RASSF8: variants seen among roughly 807,000 people sequenced by gnomAD.
The protein encoded by RASSF8 is Ras association domain family member 8.
RASSF8 carries 22 observed loss-of-function variants against 48.5 expected under a neutral mutation model. That is an observed-to-expected ratio of 0.45 (90% confidence interval 0.32 to 0.65). RASSF8 has a LOEUF of 0.65. Among genes scored for constraint, RASSF8 ranks in the 30% least tolerant of loss-of-function variants. The pLI is 0.03. For synonymous variants in RASSF8, 127 were observed against 171.5 expected (o/e 0.74, Z 2.03); for missense variants, 418 against 489.2 (o/e 0.85, Z 1.37).
At chr12:26,042,150 T>A (rs1177368237) in intron 2 of RASSF8, among the ~76,000 whole-genome samples, 1 of 152,228 alleles carries the variant, frequency 6.6e-6, no homozygotes, top group Non-Finnish European at 1.5e-5. Context: ...CATGGCAATT[T>A]AAGGATTTGT....
chr12:25,960,644 C>T (rs1941209354), intron 1 of RASSF8, among the ~76,000 whole-genome samples: 1 of 152,154 alleles, frequency 6.6e-6, no homozygotes, highest in Admixed American at 6.5e-5. Flanking sequence ...GATGATAAAA[C>T]CTTTCAAAAA....
intron 1 of RASSF8, among the ~76,000 whole-genome samples, chr12:25,965,875 C>T (rs1467547939): frequency 6.6e-6 from 1 of 152,082 alleles, no homozygotes; most frequent in Non-Finnish European, 1.5e-5. Context: ...TAGTTTATTC[C>T]TCTTCATTGC....
chr12:26,000,589 TG>T (rs1942231463), intron 2 of RASSF8, among the ~76,000 whole-genome samples: 1 of 152,160 alleles, frequency 6.6e-6, no homozygotes, highest in African/African-American at 2.4e-5. Flanking sequence ...TGATTGTTGT[TG>T]GGGTGCGAAA....
At chr12:26,024,744 C>T (rs1030461164) in intron 2 of RASSF8, among the ~76,000 whole-genome samples, 5 of 151,808 alleles carry the variant, frequency 3.3e-5, no homozygotes, top group African/African-American at 7.3e-5. Context: ...ATCACTAGTT[C>T]GGGAGATCAA....
Position 26,069,326 on chromosome 12 carries a change from C to G in RASSF8, c.*508C>G. The G allele has an allele frequency of 2.0e-6, 2 of 984,412 alleles. No individual in the cohort carries two copies. The highest frequency in any genetic ancestry group is 2.4e-6 in the Non-Finnish European group (2 of 828,988). The allele number at this position is 984,412 out of a possible 1,614,324, so 61.0% of individuals were successfully genotyped here. On this transcript the variant is annotated 3_prime_UTR_variant, in exon 6 of 6. Transcript: ENST00000689635. ...TGCTGATTTACACTACACAAGTGTC[C>G]TAGGGTGCTCCACCATCGAAGCTAA...
intron 1 of RASSF8, among the ~76,000 whole-genome samples, chr12:25,967,326 C>A (rs1592213202): frequency 6.6e-6 from 1 of 152,268 alleles, no homozygotes; most frequent in Non-Finnish European, 1.5e-5. Flanking sequence ...ATAATAAAGT[C>A]TGGTGATGAG....
intron 1 of RASSF8, among the ~76,000 whole-genome samples, chr12:25,985,228 T>TTG (rs1323906669): frequency 6.6e-6 from 1 of 152,054 alleles, no homozygotes; most frequent in Non-Finnish European, 1.5e-5. Context: ...TAAAGGTTTT[T>TTG]TGTGTGTGTG....
intron 2 of RASSF8, among the ~76,000 whole-genome samples, chr12:26,016,448 A>G (rs563528101): frequency 3.3e-5 from 5 of 152,134 alleles, no homozygotes; most frequent in Non-Finnish European, 7.4e-5. Flanking sequence ...TGTTACCTTA[A>G]TATGCACATT....
intron 1 of RASSF8, among the ~76,000 whole-genome samples, chr12:25,986,926 T>TTTTGTTTG (rs1555160451): frequency 0.01 from 1,478 of 146,642 alleles, 15 homozygotes; most frequent in East Asian, 0.063. Flanking sequence ...CGTTTTTTTT[T>TTTTGTTTG]TTTGTTTGTT....
At chr12:26,003,063 A>T (rs1204458365) in intron 2 of RASSF8, among the ~76,000 whole-genome samples, 2 of 152,194 alleles carry the variant, frequency 1.3e-5, no homozygotes, top group Non-Finnish European at 2.9e-5. Flanking sequence ...ATCTACATTC[A>T]GCTAATTAAT....
Position 26,069,165 on chromosome 12 carries a change from T to C in RASSF8, c.*347T>C, listed in dbSNP as rs545602311. 2.6e-5 allele frequency: 26 copies of C among 989,624 alleles called. No homozygotes were observed. In the East Asian group the frequency reaches 1.9e-3, roughly 71 times the overall value. 61.3% of individuals were successfully genotyped at this position (989,624 alleles called of 1,614,324 possible). On this transcript the variant is annotated 3_prime_UTR_variant, in exon 6 of 6. Transcript: ENST00000689635. ...AGTGAAGAGAAATTTGTGACTGGCT[T>C]AGTTTAATTTATTTCATGTAATCAA...
In RASSF8 at chr12:26,029,992, A is replaced by T. The variant is rs539564504; in HGVS notation, c.-108-25244A>T. Among the ~76,000 whole-genome samples, 6 of 152,266 alleles carry T rather than the reference A, an allele frequency of 3.9e-5. No individual in the cohort carries two copies. In the South Asian group the frequency reaches 1.0e-3, roughly 26 times the overall value. ...GGTTTGCTTATTTGTGCATCACTTT[A>T]TTTAAAAAGAGTTTAGGGCAACTAA... On this transcript the variant is annotated intron_variant, in intron 2 of 5. Coordinates refer to ENST00000689635, the MANE Select transcript of RASSF8 (RefSeq NM_001394098.1).
intron 1 of RASSF8, among the ~76,000 whole-genome samples, chr12:25,960,886 A>C (rs1941216918): frequency 6.6e-6 from 1 of 152,192 alleles, no homozygotes; most frequent in South Asian, 2.1e-4. Flanking sequence ...TCTGGAAAAA[A>C]CAGTTACAAA....
At chr12:25,981,612 T>C (rs1209299383) in intron 1 of RASSF8, among the ~76,000 whole-genome samples, 1 of 152,226 alleles carries the variant, frequency 6.6e-6, no homozygotes, top group Admixed American at 6.5e-5. Context: ...AATTGTATGG[T>C]CACCCTGCAT....
intron 2 of RASSF8, among the ~76,000 whole-genome samples, chr12:26,043,513 A>G (rs1220568743): frequency 2.0e-5 from 3 of 152,190 alleles, no homozygotes; most frequent in African/African-American, 7.2e-5. Flanking sequence ...AAAAACATTT[A>G]CCTCTAGCAG....
At chr12:26,030,559 C>G (rs1943008409) in intron 2 of RASSF8, among the ~76,000 whole-genome samples, 1 of 152,152 alleles carries the variant, frequency 6.6e-6, no homozygotes, top group African/African-American at 2.4e-5. Context: ...AGTGCTGTTA[C>G]TAATGCCATA....
At chr12:25,979,005 G>A (rs1462416509) in intron 1 of RASSF8, among the ~76,000 whole-genome samples, 1 of 152,138 alleles carries the variant, frequency 6.6e-6, no homozygotes, top group African/African-American at 2.4e-5. Context: ...ACATTTGAGG[G>A]AGTAGAAAAA....
intron 2 of RASSF8, among the ~76,000 whole-genome samples, chr12:26,024,633 T>C (rs538918695): frequency 3.9e-5 from 6 of 152,306 alleles, no homozygotes; most frequent in African/African-American, 1.4e-4. Context: ...AGATTTTTCC[T>C]AGGAATGCAA....
At chr12:26,013,318 A>T (rs1049206401) in intron 2 of RASSF8, among the ~76,000 whole-genome samples, 1 of 152,212 alleles carries the variant, frequency 6.6e-6, no homozygotes. Context: ...TTTAAAATTC[A>T]TAAGACACTT....
Sources: gnomAD v4.1 joint callset for allele counts (sites outside exome capture counted in the v4.1 genomes callset) on GRCh38, gnomAD v4.1.1 for gene constraint, MANE v1.5 for transcripts, NCBI Gene and HGNC (gene_info 2026-07-23, HGNC 2026-07-21) for gene names.